The following NKAIN1 variants were observed in gnomAD, a reference collection of about 807,000 sequenced individuals.
The protein encoded by NKAIN1 is sodium/potassium-transporting ATPase subunit beta-1-interacting protein 1.
NKAIN1 carries 13 observed loss-of-function variants against 31.6 expected under a neutral mutation model. The observed-to-expected ratio is 0.41, with a 90% confidence interval of 0.27 to 0.65. NKAIN1 has a LOEUF of 0.65. Among genes scored for constraint, NKAIN1 ranks in the 30% least tolerant of loss-of-function variants. The pLI is 0.30. For synonymous variants in NKAIN1, 104 were observed against 109.0 expected (o/e 0.95, Z 0.28); for missense variants, 193 against 262.2 (o/e 0.74, Z 1.82).
At chr1:31,201,102 G>A (rs971797237) in intron 1 of NKAIN1, among the ~76,000 whole-genome samples, 3 of 152,100 alleles carry the variant, frequency 2.0e-5, no homozygotes, top group South Asian at 2.1e-4. Context: ...TCAGGAGTTC[G>A]AGTGCCTCTT....
intron 1 of NKAIN1, among the ~76,000 whole-genome samples, chr1:31,195,688 C>T (rs1316769597): frequency 6.6e-6 from 1 of 150,972 alleles, no homozygotes; most frequent in African/African-American, 2.4e-5. Flanking sequence ...TTGAGAGGCC[C>T]AGGTGGGTAG....
At chr1:31,224,178 A>G (rs1310764181) in intron 1 of NKAIN1, among the ~76,000 whole-genome samples, 1 of 152,154 alleles carries the variant, frequency 6.6e-6, no homozygotes, top group East Asian at 1.9e-4. Flanking sequence ...ACATCCCCCC[A>G]TGCCCCAGCA....
At chr1:31,207,356 G>A (rs1645432996) in intron 1 of NKAIN1, among the ~76,000 whole-genome samples, 1 of 152,190 alleles carries the variant, frequency 6.6e-6, no homozygotes, top group African/African-American at 2.4e-5. Context: ...CGAATGTTGT[G>A]AAGCTTAAGT....
Position 31,185,320 on chromosome 1 carries a change from G to A in NKAIN1, c.200C>T (p.Ala67Val). ...YRSRYLILYA[A>V]WLVLWVGWNA... ...CCAGCCAACCCAGAGCACCAGCCAG[G>A]CTGCATACTGGGGAAAGCAGAGGTG... is the stretch of plus-strand genomic sequence containing the variant. The change falls in exon 3 of 7, where the codon GCC becomes GTC. Residue 67 changes from alanine to valine, a missense_variant. By Grantham distance (64) the Ala-to-Val change is moderately conservative (BLOSUM62 0). Transcript: ENST00000373736. The A allele has an allele frequency of 6.2e-7, 1 of 1,608,008 alleles. No individual in the cohort carries two copies. Among genetic ancestry groups the A allele is most frequent in the Non-Finnish European group, 8.5e-7 (1 of 1,176,878 alleles).
At chr1:31,196,100 C>T (rs574293676) in intron 1 of NKAIN1, among the ~76,000 whole-genome samples, 6 of 150,300 alleles carry the variant, frequency 4.0e-5, no homozygotes, top group Admixed American at 1.3e-4. Flanking sequence ...CAGATAAGGC[C>T]GGGTGATGTG....
At position 31,181,853 on chromosome 1, in the gene NKAIN1, G is replaced by T. The variant is rs764663120; in HGVS notation, c.614+7C>A. ...CCTCCCCAAGCCAGCAGGGGGCCGTGACCCACGTGTACAGAGGCTGCAGCT... is the reference window on the plus strand; with the variant it reads ...CCTCCCCAAGCCAGCAGGGGGCCGTTACCCACGTGTACAGAGGCTGCAGCT... On this transcript the variant is annotated splice_region_variant and intron_variant, in intron 6 of 6. Transcript: ENST00000373736. 1.2e-6 allele frequency: 2 copies of T among 1,604,096 alleles called. No homozygotes were observed. Among genetic ancestry groups the T allele is most frequent in the Non-Finnish European group, 1.7e-6 (2 of 1,176,084 alleles).
intron 1 of NKAIN1, among the ~76,000 whole-genome samples, chr1:31,227,261 C>A (rs1645615261): frequency 6.6e-6 from 1 of 152,192 alleles, no homozygotes; most frequent in Non-Finnish European, 1.5e-5. Flanking sequence ...GTTCTCTGAG[C>A]CTCAGAGTCC....
chr1:31,226,669 C>T (rs1382296567), intron 1 of NKAIN1, among the ~76,000 whole-genome samples: 1 of 151,824 alleles, frequency 6.6e-6, no homozygotes, highest in African/African-American at 2.4e-5. Context: ...GGATTACAGG[C>T]GTGCACCACC....
At chr1:31,182,298 G>A (rs529420016) in intron 5 of NKAIN1, among the ~76,000 whole-genome samples, 1 of 152,160 alleles carries the variant, frequency 6.6e-6, no homozygotes, top group Non-Finnish European at 1.5e-5. Context: ...ATGGGGTGGG[G>A]CGAGATTGGG....
chr1:31,223,375 CAAA>C (rs746638007), intron 1 of NKAIN1, among the ~76,000 whole-genome samples: 6 of 106,638 alleles, frequency 5.6e-5, no homozygotes, highest in African/African-American at 3.3e-5. Context: ...GACTCCATCT[CAAA>C]AAAAAAAAAA....
At chr1:31,212,036 T>C (rs1048421752) in intron 1 of NKAIN1, among the ~76,000 whole-genome samples, 1 of 152,110 alleles carries the variant, frequency 6.6e-6, no homozygotes, top group African/African-American at 2.4e-5. Context: ...GGACTCATAC[T>C]TCCTGATTTC....
intron 1 of NKAIN1, among the ~76,000 whole-genome samples, chr1:31,202,661 A>C (rs1645391764): frequency 8.7e-6 from 1 of 114,818 alleles, no homozygotes; most frequent in Admixed American, 1.1e-4. Flanking sequence ...TGGGCGACAG[A>C]GGAGACTCTG....
chr1:31,181,757 A>G (rs775362238), intron 6 of NKAIN1, 45 bp from the exon 7 acceptor site: 15 of 1,535,070 alleles, frequency 9.8e-6, no homozygotes, highest in African/African-American at 2.7e-5. Flanking sequence ...TCCCAAAAGT[A>G]TGGGGGCGGA....
chr1:31,219,906 G>T (rs1364231149), intron 1 of NKAIN1, among the ~76,000 whole-genome samples: 2 of 152,114 alleles, frequency 1.3e-5, no homozygotes, highest in African/African-American at 4.8e-5. Flanking sequence ...AGGAGCAAAT[G>T]AGTGCAGTAA....
At chr1:31,200,081 G>A (rs1006647981) in intron 1 of NKAIN1, among the ~76,000 whole-genome samples, 4 of 151,474 alleles carry the variant, frequency 2.6e-5, no homozygotes, top group South Asian at 2.1e-4. Flanking sequence ...GAACACATGC[G>A]CGCACACGCA....
chr1:31,186,088 C>T lies in NKAIN1; in HGVS notation c.193-761G>A, dbSNP rs146774230. On this transcript the variant is annotated intron_variant, in intron 2 of 6. Coordinates refer to ENST00000373736, the MANE Select transcript of NKAIN1 (RefSeq NM_024522.3). ...AAAAAAAAAAAAAAAAGAGGCCAGGCGCAGTGGCTCACGCTTGTAATCCCA... is the reference window on the plus strand; with the variant it reads ...AAAAAAAAAAAAAAAAGAGGCCAGGTGCAGTGGCTCACGCTTGTAATCCCA... Among the ~76,000 whole-genome samples the T allele has an allele frequency of 1.1e-3, 171 of 150,186 alleles. 5 individuals are homozygous for T. The East Asian group carries it at 0.026, about 23-fold the overall frequency.
intron 1 of NKAIN1, among the ~76,000 whole-genome samples, chr1:31,195,744 TAAAGCCCCACCTCTACAAAAAATAC>T (rs1461516773): frequency 6.7e-6 from 1 of 148,424 alleles, no homozygotes; most frequent in African/African-American, 2.5e-5. Flanking sequence ...CAACATGGCA[TAAAGCCCCACCTCTACAAAAAATAC>T]AAAAACTCAG....
chr1:31,218,029 T>TTTCC (rs1176020151), intron 1 of NKAIN1, among the ~76,000 whole-genome samples: 1 of 93,848 alleles, frequency 1.1e-5, no homozygotes, highest in African/African-American at 5.4e-5. Flanking sequence ...TCTTTCTTTC[T>TTTCC]TTCTTTCTTT....
chr1:31,205,361 T>G (rs1645415414), intron 1 of NKAIN1, among the ~76,000 whole-genome samples: 2 of 152,012 alleles, frequency 1.3e-5, no homozygotes, highest in Non-Finnish European at 2.9e-5. Context: ...TAGGCTGGAG[T>G]GCAGTGTCAC....
Sources: gnomAD v4.1 joint callset for allele counts (sites outside exome capture counted in the v4.1 genomes callset) on GRCh38, gnomAD v4.1.1 for gene constraint, MANE v1.5 for transcripts, NCBI Gene and HGNC (gene_info 2026-07-23, HGNC 2026-07-21) for gene names.